The following PHF23 variants were observed in gnomAD, a reference collection of about 807,000 sequenced individuals.
PHF23 encodes PHD finger protein 23.
PHF23 carries 3 observed loss-of-function variants against 36.0 expected under a neutral mutation model. The observed-to-expected ratio is 0.08, with a 90% CI of 0.04 to 0.22. The LOEUF is 0.22. PHF23 is among the 10% of genes least tolerant of loss of function. The pLI is 1.00. For missense variants in PHF23, 475 were observed against 513.6 expected (o/e 0.92, Z 0.73); for synonymous variants, 242 against 192.5 (o/e 1.26, Z -2.13).
chr17:7,239,650 T>G, upstream of PHF23: 1 of 157,488 alleles, frequency 6.3e-6, no homozygotes, highest in Non-Finnish European at 1.4e-5. Context: ...GGAACTTTGA[T>G]TCCCAGAAAG....
At chr17:7,238,109 C>G (rs1018188499) in intron 1 of PHF23, 1 of 188,400 alleles carries the variant, frequency 5.3e-6, no homozygotes, top group African/African-American at 2.4e-5. Context: ...CCCGCCAGCC[C>G]CCAGGGTCCA....
Position 7,235,709 on chromosome 17 carries a change from C to A in PHF23, c.1129G>T (p.Asp377Tyr). The A allele has an allele frequency of 6.2e-7, 1 of 1,614,106 alleles. No individual in the cohort carries two copies. Among genetic ancestry groups the A allele is most frequent in the South Asian group, 1.1e-5 (1 of 91,060 alleles). Residue 377 changes from aspartate to tyrosine, a missense_variant, in exon 5 of 5, where the codon GAC (aspartate) becomes TAC (tyrosine). By Grantham distance (160) the Asp-to-Tyr change is radical. Around this residue, in one of 5 missense-constraint regions of PHF23, gnomAD observed 40 missense variants for 111.0 expected, o/e 0.36. Coordinates refer to ENST00000320316, the MANE Select transcript of PHF23 (RefSeq NM_024297.3). Reference sequence around the variant, plus strand: ...TTGCATTTCTGGCAATAAAAGAAGTCGGGGACGTTGGTCTTCTTAATCTTA... The same window carrying A: ...TTGCATTTCTGGCAATAAAAGAAGTAGGGGACGTTGGTCTTCTTAATCTTA... Reference protein sequence around the residue: ...CAKIKKTNVPDFFYCQKCKEL... With the variant: ...CAKIKKTNVPYFFYCQKCKEL...
intron 1 of PHF23, chr17:7,238,361 C>T (rs1185372768): frequency 1.4e-5 from 3 of 208,202 alleles, no homozygotes; most frequent in African/African-American, 2.9e-5. Flanking sequence ...TTTGGCCCCT[C>T]CCCGTCTCCA....
rs1425264104 is a variant in PHF23 at position 7,236,320 on chromosome 17, G to C, written c.607C>G (p.Arg203Gly). 6.2e-7 allele frequency: 1 copy of C among 1,614,022 alleles called. No homozygotes were observed. Among genetic ancestry groups the C allele is most frequent in the Admixed American group, 1.7e-5 (1 of 60,004 alleles). ...GAGFGVLRRP[R>G]PTPGDGEKRS... ...TTTTCCCCATCCCCAGGAGTTGGCC[G>C]AGGCCTCCGAAGCACCCCAAAGCCA... Residue 203 changes from arginine (R) to glycine (G), a missense_variant, in exon 4 of 5, where the codon CGG (arginine) becomes GGG (glycine). Physicochemically the swap from Arg to Gly is moderately radical, Grantham distance 125 (BLOSUM62 -2). Around this residue, in one of 5 missense-constraint regions of PHF23, gnomAD observed 350 missense variants for 319.8 expected, o/e 1.09. Transcript: ENST00000320316. The surrounding 1 kb of genome is among the most constrained non-coding windows in gnomAD (Gnocchi z 5.1).
intron 1 of PHF23, 137 bp from the exon 2 acceptor site, chr17:7,237,797 T>C (rs1275280643): frequency 9.8e-7 from 1 of 1,016,612 alleles, no homozygotes; most frequent in East Asian, 2.6e-5. Context: ...CCAGCTGTGT[T>C]GGATCCGCCC....
At chr17:7,239,523 C>T (rs1379259714), upstream of PHF23, 1 of 434,084 alleles carries the variant, frequency 2.3e-6, no homozygotes, top group Non-Finnish European at 4.2e-6. Flanking sequence ...CCTCCACCTC[C>T]TCTCTCCTCC....
chr17:7,238,906 C>T (rs77619424), intron 1 of PHF23: 1 of 1,530,914 alleles, frequency 6.5e-7, no homozygotes, highest in Non-Finnish European at 8.7e-7. Context: ...CTACGTCCTC[C>T]CTCCTGAGCA....
At chr17:7,237,960 C>G (rs1227791645) in intron 1 of PHF23, 1 of 394,030 alleles carries the variant, frequency 2.5e-6, no homozygotes, top group Non-Finnish European at 4.6e-6. Context: ...GATCCCTCAG[C>G]GCCCCACCCC....
chr17:7,237,620 A>G lies in PHF23; in HGVS notation c.66+9T>C, dbSNP rs763393025. 16 of 1,613,908 alleles carry G rather than the reference A, an allele frequency of 9.9e-6. No homozygotes were observed. The highest frequency in any genetic ancestry group is 4.2e-6 in the Non-Finnish European group (5 of 1,179,966). ...GGCTACTAGGCTGCAAAGGTAAGGC[A>G]AACCTCACCTGAGTCTCTGGCTTAA... On this transcript the variant is annotated intron_variant, in intron 2 of 4. Coordinates refer to ENST00000320316, the MANE Select transcript of PHF23 (RefSeq NM_024297.3).
Position 7,239,420 on chromosome 17 carries a change from C to T in PHF23, c.-141G>A, listed in dbSNP as rs563463324. The T allele has an allele frequency of 2.1e-5, 10 of 481,848 alleles. No individual in the cohort carries two copies. Among genetic ancestry groups the T allele is most frequent in the African/African-American group, 4.1e-5 (2 of 49,178 alleles). 29.8% of individuals were successfully genotyped at this position (481,848 alleles called of 1,614,324 possible). On this transcript the variant is annotated 5_prime_UTR_variant, in exon 1 of 5. Transcript: ENST00000320316. ...CCGGTTGAGACTCGAGTCCGCTAGC[C>T]GCTGCCGCCACCTCCCTCTACCACT...
chr17:7,240,645 G>A (rs1018819573), upstream of PHF23: 2 of 542,242 alleles, frequency 3.7e-6, no homozygotes, highest in East Asian at 3.2e-5. Context: ...GGCAGAGAAA[G>A]GGGAAGAAAG....
rs977821791 is a variant in PHF23, at chr17:7,235,101, T to C, written c.*525A>G. The C allele has an allele frequency of 7.5e-5, 13 of 172,854 alleles. No individual in the cohort carries two copies. The highest frequency in any genetic ancestry group is 5.4e-4 in the Admixed American group (10 of 18,408). The allele number at this position is 172,854 out of a possible 1,614,324, so 10.7% of individuals were successfully genotyped here. A position where few individuals can be genotyped will look rare whatever the true frequency, so the allele number is the denominator to read the frequency against. ...TCTGTACAAACAGCGGCCGATATTA[T>C]TAAAAACAAAAGAGGTGAGTGAGAA... On this transcript the variant is annotated 3_prime_UTR_variant, in exon 5 of 5. Transcript: ENST00000320316.
At position 7,236,707 on chromosome 17, in the gene PHF23, T is replaced by G. The variant is rs1436550555; in HGVS notation, c.220A>C (p.Ser74Arg). The stretch of plus-strand genomic sequence containing the variant: ...GAGGGGGCCGAGTCCCAGCCATCAC[T>G]GTCGGCCGCACTCTCTCCTCGCAAT... ...SPLRGESAAD[S>R]DGWDSAPSDL... The change falls in exon 4 of 5, where the codon AGT (serine) becomes CGT (arginine). Residue 74 changes from serine to arginine, a missense_variant. Physicochemically the swap from Ser to Arg is moderately radical, Grantham distance 110. Transcript: ENST00000320316. The surrounding 1 kb of genome is among the most constrained non-coding windows in gnomAD (Gnocchi z 5.1). 1 of 1,613,990 alleles carries G rather than the reference T, an allele frequency of 6.2e-7. No individual in the cohort carries two copies. The highest frequency in any genetic ancestry group is 8.5e-7 in the Non-Finnish European group (1 of 1,180,010).
chr17:7,235,573 TCA>T lies in PHF23; in HGVS notation c.*51_*52del. On this transcript the variant is annotated 3_prime_UTR_variant, in exon 5 of 5. Transcript: ENST00000320316. ...GGGGATAGGCTGAGGACCCTGAGGC[TCA>T]GTTCCCAAATCATGTTGTCATTTGG... 1 of 1,579,410 alleles carries T rather than the reference TCA, an allele frequency of 6.3e-7. No homozygotes were observed. Among genetic ancestry groups the T allele is most frequent in the Non-Finnish European group, 8.6e-7 (1 of 1,158,738 alleles).
intron 1 of PHF23, 167 bp from the exon 2 acceptor site, chr17:7,237,827 G>GCA: frequency 1.3e-6 from 1 of 747,322 alleles, no homozygotes; most frequent in Non-Finnish European, 2.2e-6. Flanking sequence ...CTTCCGCCCC[G>GCA]CGAGGGGCGG....
At chr17:7,239,850 TTCTC>T (rs1240175048), upstream of PHF23, 2 of 152,362 alleles carry the variant, frequency 1.3e-5, no homozygotes, top group Non-Finnish European at 2.9e-5. Context: ...TGCAGCTTCT[TTCTC>T]CCCAGGAGGA....
chr17:7,236,679 T>C lies in PHF23; in HGVS notation c.248A>G (p.Asp83Gly). The C allele has an allele frequency of 6.2e-7, 1 of 1,614,074 alleles. No individual in the cohort carries two copies. The stretch of plus-strand genomic sequence containing the variant: ...AACAAAAGTCTGGATGGTTCGAAGA[T>C]CTGAGGGGGCCGAGTCCCAGCCATC... The part of the protein sequence containing the change: ...DSDGWDSAPS[D>G]LRTIQTFVKK... The change falls in exon 4 of 5, where the codon GAT (aspartate) becomes GGT (glycine). Residue 83 changes from aspartate (D) to glycine (G), a missense_variant. Physicochemically the swap from Asp to Gly is moderately conservative, Grantham distance 94. Around this residue, in one of 5 missense-constraint regions of PHF23, gnomAD observed 350 missense variants for 319.8 expected, o/e 1.09. Coordinates refer to ENST00000320316, the MANE Select transcript of PHF23 (RefSeq NM_024297.3). This position sits in a 1 kb window ranked among gnomAD's most constrained non-coding sequence, Gnocchi z 5.1.
At chr17:7,239,524 T>G, upstream of PHF23, 3 of 335,206 alleles carry the variant, frequency 8.9e-6, no homozygotes, top group Admixed American at 4.9e-5. Context: ...CTCCACCTCC[T>G]CTCTCCTCCC....
chr17:7,239,266 A>G lies in PHF23; in HGVS notation c.14T>C (p.Met5Thr). The change falls in exon 1 of 5, where the codon ATG becomes ACG. Residue 5 changes from methionine to threonine, a missense_variant. Met to Thr is a moderately conservative substitution (Grantham distance 81). Around this residue, in one of 5 missense-constraint regions of PHF23, gnomAD observed 54 missense variants for 42.0 expected, o/e 1.28. Coordinates refer to ENST00000320316, the MANE Select transcript of PHF23 (RefSeq NM_024297.3). Reference sequence around the variant, plus strand: ...CTCACCTTCGGGACTGGGCTCCGCCATGGCTTCCAGCATCGCCCCCTCCCC... The same window carrying G: ...CTCACCTTCGGGACTGGGCTCCGCCGTGGCTTCCAGCATCGCCCCCTCCCC... The part of the protein sequence containing the change: MLEA[M>T]AEPSPEDPPP... 1 of 1,536,376 alleles carries G rather than the reference A, an allele frequency of 6.5e-7. No individual in the cohort carries two copies. Among genetic ancestry groups the G allele is most frequent in the Non-Finnish European group, 8.9e-7 (1 of 1,121,452 alleles).
Sources: gnomAD v4.1 joint callset for allele counts on GRCh38, gnomAD v4.1.1 for gene constraint, gnomAD v4.1.1 regional missense constraint, Gnocchi (gnomAD v3.1) non-coding constraint, MANE v1.5 for transcripts, NCBI Gene and HGNC (gene_info 2026-07-23, HGNC 2026-07-21) for gene names.